The following LMNA variants were observed in gnomAD, a reference collection of about 807,000 sequenced individuals.
LMNA encodes lamin.
Under a neutral mutation model 70.4 loss-of-function variants are expected in LMNA, and 20 were observed. That is an observed-to-expected ratio of 0.28 (90% CI 0.20 to 0.41). The LOEUF (loss-of-function observed/expected upper bound fraction) is 0.41. Ranked by LOEUF, LMNA falls within the 10% of genes least tolerant of loss-of-function variation. LMNA has a pLI of 1.00. For missense variants in LMNA, 652 were observed against 917.2 expected (o/e 0.71, Z 3.73); for synonymous variants, 339 against 372.8 (o/e 0.91, Z 1.04).
intron 1 of LMNA, among the ~76,000 whole-genome samples, chr1:156,116,453 C>T (rs1223206201): frequency 6.6e-6 from 1 of 151,900 alleles, no homozygotes; most frequent in Non-Finnish European, 1.5e-5. Context: ...CTTCTTCCTG[C>T]CTTCCCTTTC....
At chr1:156,102,637 C>T in intron 3 of LMNA, among the ~76,000 whole-genome samples, 1 of 152,192 alleles carries the variant, frequency 6.6e-6, no homozygotes, top group Non-Finnish European at 1.5e-5. Flanking sequence ...TTTCCAGCCC[C>T]TCCTGGGCGC....
In LMNA at chr1:156,138,092, C is replaced by T; in HGVS notation, c.1698+349C>T. 1 of 527,414 alleles carries T rather than the reference C, an allele frequency of 1.9e-6. No homozygotes were observed. The highest frequency in any genetic ancestry group is 3.4e-6 in the Non-Finnish European group (1 of 292,234). 32.7% of individuals were successfully genotyped at this position (527,414 alleles called of 1,614,324 possible). A position where few individuals can be genotyped will look rare whatever the true frequency, so the allele number is the denominator to read the frequency against. On this transcript the variant is annotated intron_variant, in intron 10 of 11. Transcript: ENST00000368300. The surrounding 1 kb of genome is among the most constrained non-coding windows in gnomAD (Gnocchi z 5.5). ...CTCTCTCCCCCATTCTTGTTGCATG[C>T]ATATCCTCTCATTTCCCTCATTTTT...
chr1:156,139,303 C>CAAAA lies in LMNA; in HGVS notation c.*208_*211dup. On this transcript the variant is annotated 3_prime_UTR_variant, in exon 12 of 12. Coordinates refer to ENST00000368300, the MANE Select transcript of LMNA (RefSeq NM_170707.4). ...TTTTATACTGAAGGAAAAACACAAG[C>CAAAA]AAAAAAAAAAAAAAGCATCTATCTC... 1 of 1,271,556 alleles carries CAAAA rather than the reference C, an allele frequency of 7.9e-7. No homozygotes were observed. Among genetic ancestry groups the CAAAA allele is most frequent in the South Asian group, 1.8e-5 (1 of 54,106 alleles). 78.8% of individuals were successfully genotyped at this position (1,271,556 alleles called of 1,614,324 possible). A position where few individuals can be genotyped will look rare whatever the true frequency, so the allele number is the denominator to read the frequency against.
chr1:156,124,838 G>A (rs1294603767), intron 1 of LMNA, among the ~76,000 whole-genome samples: 2 of 152,110 alleles, frequency 1.3e-5, no homozygotes, highest in Non-Finnish European at 2.9e-5. Context: ...CTAGGCCTCC[G>A]TATCACTCTC....
chr1:156,098,561 G>C (rs1202780323), intron 3 of LMNA, among the ~76,000 whole-genome samples: 1 of 152,206 alleles, frequency 6.6e-6, no homozygotes, highest in Non-Finnish European at 1.5e-5. Context: ...TCTCACATAT[G>C]TATGTTAGGG....
Position 156,114,846 on chromosome 1 carries a change from C to T in LMNA, c.-73C>T. ...GGCGCACTCCGACTCCGAGCAGTCT[C>T]TGTCCTTCGACCCGAGCCCCGCGCC... On this transcript the variant is annotated 5_prime_UTR_variant, in exon 1 of 12. Coordinates refer to ENST00000368300, the MANE Select transcript of LMNA (RefSeq NM_170707.4). 9.2e-7 allele frequency: 1 copy of T among 1,081,968 alleles called. No individual in the cohort carries two copies. The allele number at this position is 1,081,968 out of a possible 1,614,324, so 67.0% of individuals were successfully genotyped here. A position where few individuals can be genotyped will look rare whatever the true frequency, so the allele number is the denominator to read the frequency against.
intron 3 of LMNA, among the ~76,000 whole-genome samples, chr1:156,093,294 T>A (rs139483683): frequency 2.7e-4 from 40 of 150,332 alleles, no homozygotes; most frequent in African/African-American, 9.3e-4. Context: ...TCAATTTATA[T>A]GTCAATTTTT....
Position 156,138,933 on chromosome 1 carries a change from C to CT in LMNA, c.1969-145dup. On this transcript the variant is annotated intron_variant, in intron 11 of 11. Transcript: ENST00000368300. This position sits in a 1 kb window ranked among gnomAD's most constrained non-coding sequence, Gnocchi z 5.5. ...CAGCCCACCTCTGCATCCTGCCCCTCTTGTCTGAGCCCCAGACTGGAGGGC... is the reference window on the plus strand; with the variant it reads ...CAGCCCACCTCTGCATCCTGCCCCTCTTTGTCTGAGCCCCAGACTGGAGGGC... The CT allele has an allele frequency of 2.4e-6, 3 of 1,262,718 alleles. No individual in the cohort carries two copies. Among genetic ancestry groups the CT allele is most frequent in the Non-Finnish European group, 3.4e-6 (3 of 872,800 alleles). 78.2% of individuals were successfully genotyped at this position (1,262,718 alleles called of 1,614,324 possible).
intron 3 of LMNA, among the ~76,000 whole-genome samples, chr1:156,100,539 A>T (rs1489086880): frequency 1.3e-5 from 2 of 152,004 alleles, no homozygotes; most frequent in Non-Finnish European, 2.9e-5. Flanking sequence ...TGTTATTGTG[A>T]CCGTGCCCCA....
Position 156,115,174 on chromosome 1 carries a change from G to C in LMNA, c.256G>C (p.Gly86Arg). ...GIKAAYEAEL[G>R]DARKTLDSVA... ...CAAGGCCGCCTACGAGGCCGAGCTC[G>C]GGGATGCCCGCAAGACCCTTGACTC... Residue 86 changes from glycine to arginine, a missense_variant, in exon 1 of 12, where the codon GGG becomes CGG. Around this residue, in one of 4 missense-constraint regions of LMNA, gnomAD observed 254 missense variants for 421.9 expected, o/e 0.60. Coordinates refer to ENST00000368300, the MANE Select transcript of LMNA (RefSeq NM_170707.4). The surrounding 1 kb of genome is among the most constrained non-coding windows in gnomAD (Gnocchi z 5.8). 1 of 1,612,656 alleles carries C rather than the reference G, an allele frequency of 6.2e-7. No individual in the cohort carries two copies. Among genetic ancestry groups the C allele is most frequent in the Non-Finnish European group, 8.5e-7 (1 of 1,179,532 alleles).
upstream of LMNA, among the ~76,000 whole-genome samples, chr1:156,112,304 T>C (rs1268554593): frequency 1.3e-5 from 2 of 152,160 alleles, no homozygotes; most frequent in African/African-American, 4.8e-5. Context: ...AAGAATCACT[T>C]GAACCCAGGA....
chr1:156,096,583 G>GA (rs1648946431), intron 3 of LMNA, among the ~76,000 whole-genome samples: 2 of 152,382 alleles, frequency 1.3e-5, no homozygotes, highest in African/African-American at 4.8e-5. Flanking sequence ...GCGTTTGGAG[G>GA]CACTCATCAC....
intron 1 of LMNA, among the ~76,000 whole-genome samples, chr1:156,128,519 C>T (rs890329445): frequency 2.6e-5 from 4 of 152,230 alleles, no homozygotes; most frequent in Non-Finnish European, 5.9e-5. Flanking sequence ...TCTTTCAGCT[C>T]AGGCTGGCTG....
At chr1:156,087,955 T>A (rs1648543501) in intron 2 of LMNA, among the ~76,000 whole-genome samples, 1 of 151,314 alleles carries the variant, frequency 6.6e-6, no homozygotes, top group Non-Finnish European at 1.5e-5. Flanking sequence ...CACTGCAACC[T>A]CCGCCTCCTG....
Position 156,136,243 on chromosome 1 carries a change from A to T in LMNA, c.1187A>T (p.Gln396Leu), listed in dbSNP as rs61693978. The T allele has an allele frequency of 1.1e-5, 18 of 1,611,994 alleles. No homozygotes were observed. The highest frequency in any genetic ancestry group is 4.0e-5 in the African/African-American group (3 of 74,930). ...CGCCTGTCCCCCAGCCCTACCTCGC[A>T]GCGCAGCCGTGGCCGTGCTTCCTCT... ...RLRLSPSPTSQRSRGRASSHS... is the reference protein window; with the variant it reads ...RLRLSPSPTSLRSRGRASSHS... The change falls in exon 7 of 12, where the codon CAG becomes CTG. Residue 396 changes from glutamine (Q) to leucine (L), a missense_variant. Physicochemically the swap from Gln to Leu is moderately radical, Grantham distance 113. Around this residue, in one of 4 missense-constraint regions of LMNA, gnomAD observed 327 missense variants for 387.6 expected, o/e 0.84. Coordinates refer to ENST00000368300, the MANE Select transcript of LMNA (RefSeq NM_170707.4). The surrounding 1 kb of genome is among the most constrained non-coding windows in gnomAD (Gnocchi z 6.1).
chr1:156,119,912 GCT>G (rs1291391182), intron 1 of LMNA, among the ~76,000 whole-genome samples: 2 of 152,170 alleles, frequency 1.3e-5, no homozygotes, highest in Non-Finnish European at 2.9e-5. Context: ...TGGACACATA[GCT>G]CTCTCTGGAC....
At chr1:156,114,068 A>ACC (rs28365858), upstream of LMNA, among the ~76,000 whole-genome samples, 3 of 151,620 alleles carry the variant, frequency 2.0e-5, no homozygotes, top group African/African-American at 4.9e-5. Context: ...AAAAAAAGGG[A>ACC]CCCCCCAAAC....
chr1:156,111,449 CAAA>C (rs5777973), upstream of LMNA, among the ~76,000 whole-genome samples: 14 of 119,672 alleles, frequency 1.2e-4, no homozygotes, highest in Non-Finnish European at 1.2e-4. Flanking sequence ...AACTCTGTCT[CAAA>C]AAAAAAAAAA....
chr1:156,110,053 G>A (rs1395589778), upstream of LMNA, among the ~76,000 whole-genome samples: 1 of 151,888 alleles, frequency 6.6e-6, no homozygotes, highest in Non-Finnish European at 1.5e-5. Flanking sequence ...ATGTTGGCCA[G>A]GTTGGTCTTG....
Sources: gnomAD v4.1 joint callset for allele counts (sites outside exome capture counted in the v4.1 genomes callset) on GRCh38, gnomAD v4.1.1 for gene constraint, gnomAD v4.1.1 regional missense constraint, Gnocchi (gnomAD v3.1) non-coding constraint, MANE v1.5 for transcripts, NCBI Gene and HGNC (gene_info 2026-07-23, HGNC 2026-07-21) for gene names.